MAL2: variants seen among roughly 807,000 people sequenced by gnomAD.
The protein encoded by MAL2 is protein MAL2.
MAL2 carries 17 observed loss-of-function variants against 18.1 expected under a neutral mutation model. That is an observed-to-expected ratio of 0.94 (90% CI 0.64 to 1.41). The LOEUF (loss-of-function observed/expected upper bound fraction) is 1.41, where lower values mean the gene tolerates loss of function less well. Ranked by LOEUF, MAL2 falls within the 40% of genes most tolerant of loss-of-function variation. The pLI is 0.00. For missense variants in MAL2, 222 were observed against 231.9 expected (o/e 0.96, Z 0.28); for synonymous variants, 102 against 102.3 (o/e 1.00, Z 0.02).
chr8:119,217,536 T>C (rs1817377150), intron 1 of MAL2, among the ~76,000 whole-genome samples: 1 of 152,184 alleles, frequency 6.6e-6, no homozygotes, highest in African/African-American at 2.4e-5. Context: ...AAATTTCAAA[T>C]TGAGGTGCCT....
At chr8:119,239,349 T>C (rs1321702726) in intron 2 of MAL2, among the ~76,000 whole-genome samples, 1 of 151,792 alleles carries the variant, frequency 6.6e-6, no homozygotes, top group African/African-American at 2.4e-5. Flanking sequence ...AGTTCAACCA[T>C]TGTGGAAGTC....
At chr8:119,210,958 A>G (rs1817259224) in intron 1 of MAL2, among the ~76,000 whole-genome samples, 1 of 152,172 alleles carries the variant, frequency 6.6e-6, no homozygotes, top group Admixed American at 6.5e-5. Flanking sequence ...AAGAGACCAC[A>G]CTAGAGTCAA....
At chr8:119,237,213 A>G (rs1025693989) in intron 2 of MAL2, among the ~76,000 whole-genome samples, 1 of 150,734 alleles carries the variant, frequency 6.6e-6, no homozygotes, top group South Asian at 2.1e-4. Flanking sequence ...TCCTCGACAC[A>G]TACACTCTCC....
chr8:119,234,794 C>T (rs968912395), intron 2 of MAL2, among the ~76,000 whole-genome samples: 29 of 151,304 alleles, frequency 1.9e-4, no homozygotes, highest in Non-Finnish European at 3.8e-4. Flanking sequence ...ACATCCACAC[C>T]GAAAACCCAT....
At chr8:119,225,297 T>C (rs1271679646) in intron 2 of MAL2, among the ~76,000 whole-genome samples, 1 of 140,860 alleles carries the variant, frequency 7.1e-6, no homozygotes. Context: ...CAGGCCCCGG[T>C]GTGTGATGTT....
At chr8:119,216,812 A>C (rs992860607) in intron 1 of MAL2, among the ~76,000 whole-genome samples, 3 of 152,192 alleles carry the variant, frequency 2.0e-5, no homozygotes, top group Non-Finnish European at 4.4e-5. Flanking sequence ...TCCAAACATT[A>C]ATTGAAAATA....
At chr8:119,232,055 T>C (rs1176137981) in intron 2 of MAL2, among the ~76,000 whole-genome samples, 1 of 152,062 alleles carries the variant, frequency 6.6e-6, no homozygotes, top group Non-Finnish European at 1.5e-5. Context: ...AAAAATATTT[T>C]AGATGTTCTC....
intron 2 of MAL2, among the ~76,000 whole-genome samples, chr8:119,235,285 A>G (rs1440732329): frequency 1.3e-5 from 2 of 152,166 alleles, no homozygotes; most frequent in Non-Finnish European, 2.9e-5. Flanking sequence ...AGCCTCCAAG[A>G]AATATGGGAC....
chr8:119,210,407 C>T (rs1167809641), intron 1 of MAL2, among the ~76,000 whole-genome samples: 1 of 152,014 alleles, frequency 6.6e-6, no homozygotes, highest in Non-Finnish European at 1.5e-5. Context: ...ATTTCCCCCT[C>T]CCCCTCCCCA....
intron 2 of MAL2, chr8:119,224,176 C>T (rs1817531950): frequency 6.6e-6 from 1 of 152,130 alleles, no homozygotes; most frequent in Non-Finnish European, 1.5e-5. Context: ...TTTTCCTGAG[C>T]TTTCTAGCTT....
At chr8:119,243,366 T>G (rs566643307) in intron 3 of MAL2, 51 bp from the exon 4 acceptor site, 1 of 1,445,286 alleles carries the variant, frequency 6.9e-7, no homozygotes, top group Non-Finnish European at 9.5e-7. Context: ...GGACACTGTT[T>G]ATAAGTCGGT....
In MAL2 at chr8:119,234,569, T is replaced by A. The variant is rs181552559; in HGVS notation, c.304-5596T>A. On this transcript the variant is annotated intron_variant, in intron 2 of 3. Transcript: ENST00000614891. ...GACTTAAATGTCCCTGTCTGACAGCTTTGAAGAGAGCAGTGGTTCTCCCAG... is the reference window on the plus strand; with the variant it reads ...GACTTAAATGTCCCTGTCTGACAGCATTGAAGAGAGCAGTGGTTCTCCCAG... Among the ~76,000 whole-genome samples the A allele has an allele frequency of 1.7e-3, 254 of 152,200 alleles. 4 individuals are homozygous for A. Among genetic ancestry groups the A allele is most frequent in the African/African-American group, 6.0e-3 (247 of 41,462 alleles).
At chr8:119,238,060 C>T (rs1304089829) in intron 2 of MAL2, among the ~76,000 whole-genome samples, 1 of 152,206 alleles carries the variant, frequency 6.6e-6, no homozygotes, top group East Asian at 1.9e-4. Context: ...CCAGAATCTC[C>T]TTAAGCTGAT....
At position 119,225,244 on chromosome 8, in the gene MAL2, A is replaced by G. The variant is rs180943480; in HGVS notation, c.303+3487A>G. On this transcript the variant is annotated intron_variant, in intron 2 of 3. Transcript: ENST00000614891. ...ATTAACTCATCATTTAACATCAGGT[A>G]TATCTCCTAATGCTATCCCTCCCCA... Among the ~76,000 whole-genome samples, 10 of 152,218 alleles carry G rather than the reference A, an allele frequency of 6.6e-5. No individual in the cohort carries two copies. In the East Asian group the frequency reaches 1.9e-3, roughly 29 times the overall value.
intron 2 of MAL2, among the ~76,000 whole-genome samples, chr8:119,229,658 C>T (rs1817672263): frequency 6.6e-6 from 1 of 152,142 alleles, no homozygotes; most frequent in Non-Finnish European, 1.5e-5. Flanking sequence ...TGCATCATCA[C>T]TCAGCTCTAC....
intron 1 of MAL2, among the ~76,000 whole-genome samples, chr8:119,216,437 G>T (rs1817356709): frequency 6.6e-6 from 1 of 152,100 alleles, no homozygotes; most frequent in Non-Finnish European, 1.5e-5. Flanking sequence ...TACCTATAAA[G>T]TAGGAATAAT....
At chr8:119,225,532 C>G (rs1024037799) in intron 2 of MAL2, among the ~76,000 whole-genome samples, 14 of 152,248 alleles carry the variant, frequency 9.2e-5, no homozygotes, top group South Asian at 2.1e-4. Context: ...TTGGACATTT[C>G]GGTTGGTTCC....
chr8:119,208,401 G>GCGGCGA lies in MAL2; in HGVS notation c.-68_-67insGACGGC. 1.1e-6 allele frequency: 1 copy of GCGGCGA among 888,000 alleles called. No homozygotes were observed. The highest frequency in any genetic ancestry group is 5.3e-4 in the Middle Eastern group (1 of 1,880). The allele number at this position is 888,000 out of a possible 1,614,324, so 55.0% of individuals were successfully genotyped here. On this transcript the variant is annotated 5_prime_UTR_variant, in exon 1 of 4. Transcript: ENST00000614891. The surrounding 1 kb of genome is among the most constrained non-coding windows in gnomAD (Gnocchi z 4.3). ...GCGGAGCTGAGCGGCGGCGGCGGCG[G>GCGGCGA]CGGCAGGAGCCCGGGAGGCGGAGGC... is the stretch of plus-strand genomic sequence containing the variant.
At chr8:119,229,906 G>A (rs1385040487) in intron 2 of MAL2, among the ~76,000 whole-genome samples, 1 of 152,200 alleles carries the variant, frequency 6.6e-6, no homozygotes, top group East Asian at 1.9e-4. Context: ...TGGGTAACAT[G>A]AGAGCCTAGG....
Sources: allele counts gnomAD v4.1 joint callset (sites outside exome capture counted in the v4.1 genomes callset), GRCh38; gene constraint gnomAD v4.1.1; non-coding constraint Gnocchi (gnomAD v3.1); transcripts MANE v1.5; gene names NCBI Gene and HGNC (gene_info 2026-07-23, HGNC 2026-07-21).